The following CNTNAP5 variants were observed in gnomAD, a reference collection of about 807,000 sequenced individuals.
CNTNAP5 encodes the protein contactin-associated protein-like 5.
In CNTNAP5, 72 loss-of-function variants were observed where a neutral mutation model predicts 150.2. The observed-to-expected ratio is 0.48, with a 90% CI of 0.40 to 0.58. The LOEUF (loss-of-function observed/expected upper bound fraction) is 0.58. Ranked by LOEUF, CNTNAP5 falls within the 20% of genes least tolerant of loss-of-function variation. CNTNAP5 has a pLI of 0.00. For missense variants in CNTNAP5, 1,636 were observed against 1,626.2 expected (o/e 1.01, Z -0.10); for synonymous variants, 672 against 619.8 (o/e 1.08, Z -1.25).
intron 22 of CNTNAP5, among the ~76,000 whole-genome samples, chr2:124,903,902 A>T (rs570088792): frequency 6.6e-6 from 1 of 152,026 alleles, no homozygotes; most frequent in Non-Finnish European, 1.5e-5. Context: ...AAAAATACAA[A>T]AATTAGCTGG....
Position 124,272,213 on chromosome 2 carries a change from T to C in CNTNAP5, c.381+29820T>C, listed in dbSNP as rs544936208. ...AAAAATTAAGCAGCAAAGAAGCTTA[T>C]TTCTGAGATATTTTTAGTTTTCCCA... On this transcript the variant is annotated intron_variant, in intron 3 of 23. Coordinates refer to ENST00000682447, the MANE Select transcript of CNTNAP5 (RefSeq NM_001367498.1). Among the ~76,000 whole-genome samples, 58 of 152,296 alleles carry C rather than the reference T, an allele frequency of 3.8e-4. No individual in the cohort carries two copies. The South Asian group carries it at 0.012, about 32-fold the overall frequency.
chr2:124,299,589 T>C (rs1224546190), intron 3 of CNTNAP5, among the ~76,000 whole-genome samples: 1 of 151,726 alleles, frequency 6.6e-6, no homozygotes, highest in Non-Finnish European at 1.5e-5. Flanking sequence ...AGTCTATCAT[T>C]GATGAGCATT....
chr2:124,089,500 G>A (rs966866565), intron 1 of CNTNAP5, among the ~76,000 whole-genome samples: 1 of 152,012 alleles, frequency 6.6e-6, no homozygotes. Context: ...TCACTTACCA[G>A]CTCCATTATG....
intron 13 of CNTNAP5, among the ~76,000 whole-genome samples, chr2:124,715,187 G>A (rs905385648): frequency 6.6e-6 from 1 of 152,178 alleles, no homozygotes; most frequent in Non-Finnish European, 1.5e-5. Context: ...CAAGCCTTCT[G>A]CTTCAACTAT....
chr2:124,275,011 G>A (rs1408907139), intron 3 of CNTNAP5, among the ~76,000 whole-genome samples: 2 of 152,164 alleles, frequency 1.3e-5, no homozygotes, highest in Non-Finnish European at 2.9e-5. Context: ...ATGGTGGAAG[G>A]CAAGGAGGAG....
chr2:124,815,712 T>C (rs1171068570), intron 19 of CNTNAP5, among the ~76,000 whole-genome samples: 1 of 151,804 alleles, frequency 6.6e-6, no homozygotes. Flanking sequence ...CAGTTTTCTT[T>C]TCTTTCTTTT....
intron 1 of CNTNAP5, among the ~76,000 whole-genome samples, chr2:124,179,330 T>C (rs112265056): frequency 0.076 from 11,566 of 152,102 alleles, 611 homozygotes; most frequent in Non-Finnish European, 0.12. Flanking sequence ...CGGCTAATTT[T>C]TGTATTTTTT....
At chr2:124,271,408 G>A (rs1473375401) in intron 3 of CNTNAP5, among the ~76,000 whole-genome samples, 1 of 152,128 alleles carries the variant, frequency 6.6e-6, no homozygotes, top group African/African-American at 2.4e-5. Flanking sequence ...CATGGTCAGA[G>A]AGGCCTGGAG....
intron 1 of CNTNAP5, among the ~76,000 whole-genome samples, chr2:124,072,583 C>T (rs569973477): frequency 1.2e-4 from 18 of 151,510 alleles, no homozygotes; most frequent in East Asian, 5.8e-4. Flanking sequence ...TATGCCAGCA[C>T]GGAACAATCT....
Position 124,047,647 on chromosome 2 carries a change from C to A in CNTNAP5, c.82+21915C>A, listed in dbSNP as rs1054460041. Among the ~76,000 whole-genome samples the A allele has an allele frequency of 5.3e-5, 8 of 152,334 alleles. No individual in the cohort carries two copies. The South Asian group carries it at 1.0e-3, about 20-fold the overall frequency. On this transcript the variant is annotated intron_variant, in intron 1 of 23. Transcript: ENST00000682447. ...AAGCACTCCACGCCTCCTGCGATGACCTCCATGTTATCTAGGTTTTCTCTG... is the reference window on the plus strand; with the variant it reads ...AAGCACTCCACGCCTCCTGCGATGAACTCCATGTTATCTAGGTTTTCTCTG...
At chr2:124,290,437 T>C (rs1688257256) in intron 3 of CNTNAP5, among the ~76,000 whole-genome samples, 1 of 152,192 alleles carries the variant, frequency 6.6e-6, no homozygotes, top group African/African-American at 2.4e-5. Flanking sequence ...ATCTTTAAAA[T>C]TGAACCTACT....
intron 1 of CNTNAP5, among the ~76,000 whole-genome samples, chr2:124,058,574 C>A (rs1681919003): frequency 6.6e-6 from 1 of 152,172 alleles, no homozygotes; most frequent in Non-Finnish European, 1.5e-5. Context: ...CCTGTACTAT[C>A]CCCAAGTCTA....
intron 1 of CNTNAP5, among the ~76,000 whole-genome samples, chr2:124,201,983 G>A (rs539922660): frequency 2.6e-4 from 40 of 152,026 alleles, no homozygotes; most frequent in African/African-American, 3.1e-4. Flanking sequence ...CAGTGTTTGC[G>A]TAATCAAAAT....
intron 19 of CNTNAP5, among the ~76,000 whole-genome samples, chr2:124,826,870 C>A (rs1682605748): frequency 6.6e-6 from 1 of 152,070 alleles, no homozygotes; most frequent in Non-Finnish European, 1.5e-5. Context: ...TGTGATGAGC[C>A]CCAGAAAGGC....
chr2:124,188,721 A>AG (rs1321109897), intron 1 of CNTNAP5, among the ~76,000 whole-genome samples: 1 of 149,856 alleles, frequency 6.7e-6, no homozygotes, highest in African/African-American at 2.4e-5. Context: ...TGTCTCAAAA[A>AG]AAAAAAAAAA....
At chr2:124,099,602 G>A (rs1196576453) in intron 1 of CNTNAP5, among the ~76,000 whole-genome samples, 2 of 152,138 alleles carry the variant, frequency 1.3e-5, no homozygotes, top group East Asian at 1.9e-4. Flanking sequence ...TTCTCGCATT[G>A]CCATAAAGAA....
chr2:124,793,778 G>A (rs1681786887), intron 18 of CNTNAP5, among the ~76,000 whole-genome samples: 1 of 152,222 alleles, frequency 6.6e-6, no homozygotes, highest in Middle Eastern at 3.4e-3. Context: ...TGTGTTTGTT[G>A]TTAGCTCTCT....
At chr2:124,637,677 G>C (rs576868089) in intron 12 of CNTNAP5, among the ~76,000 whole-genome samples, 2 of 152,292 alleles carry the variant, frequency 1.3e-5, no homozygotes, top group South Asian at 4.1e-4. Flanking sequence ...AATCTGTGAC[G>C]TGTTGCTTTT....
At chr2:124,854,997 A>G (rs577203820) in intron 19 of CNTNAP5, among the ~76,000 whole-genome samples, 1 of 152,192 alleles carries the variant, frequency 6.6e-6, no homozygotes, top group South Asian at 2.1e-4. Flanking sequence ...CAAAAACATA[A>G]CAATGTGCAG....
Sources: allele counts gnomAD v4.1 joint callset (sites outside exome capture counted in the v4.1 genomes callset), GRCh38; gene constraint gnomAD v4.1.1; transcripts MANE v1.5; gene names NCBI Gene and HGNC (gene_info 2026-07-23, HGNC 2026-07-21).